Variants in DGKG observed in about 807,000 individuals in gnomAD.
The protein encoded by DGKG is DAG kinase gamma.
DGKG carries 78 observed loss-of-function variants against 105.3 expected under a neutral mutation model. The ratio of observed to expected loss-of-function variants is 0.74; its 90% confidence interval spans 0.62 to 0.89. DGKG has a LOEUF of 0.89. DGKG is among the 40% of genes least tolerant of loss of function. DGKG has a pLI of 0.00. For missense variants in DGKG, 958 were observed against 1,020.1 expected (o/e 0.94, Z 0.83); for synonymous variants, 346 against 367.1 (o/e 0.94, Z 0.66).
rs75065006 is a variant in DGKG, at chr3:186,255,763, G to C, written c.1510+2091C>G. Among the ~76,000 whole-genome samples, 24 of 152,338 alleles carry C rather than the reference G, an allele frequency of 1.6e-4. 1 individual carries two copies. The East Asian group carries it at 4.6e-3, about 29-fold the overall frequency. On this transcript the variant is annotated intron_variant, in intron 17 of 24. Transcript: ENST00000265022. The stretch of plus-strand genomic sequence containing the variant: ...ACACCATGCACCCAGTGACATGCAG[G>C]AAAGATCGCTATGGGTGTAGGGAGA...
Position 186,226,838 on chromosome 3 carries a change from T to C in DGKG, c.1827-14953A>G, listed in dbSNP as rs1719881802. ...TAAGTGTAGGTTCAATAAACATGAA[T>C]ATTCAGCAATTACGTAATTCCCTGC... On this transcript the variant is annotated intron_variant, in intron 20 of 24. Coordinates refer to ENST00000265022, the MANE Select transcript of DGKG (RefSeq NM_001346.3). The surrounding 1 kb of genome is among the most constrained non-coding windows in gnomAD (Gnocchi z 4.2). Among the ~76,000 whole-genome samples, 1 of 152,196 alleles carries C rather than the reference T, an allele frequency of 6.6e-6. No individual in the cohort carries two copies. The highest frequency in any genetic ancestry group is 1.5e-5 in the Non-Finnish European group (1 of 68,026).
intron 21 of DGKG, among the ~76,000 whole-genome samples, chr3:186,204,362 C>T (rs566049763): frequency 1.2e-4 from 19 of 152,168 alleles, no homozygotes; most frequent in Admixed American, 6.5e-4. Flanking sequence ...GCTGAGATCG[C>T]GCCACTGCAC....
chr3:186,209,559 G>A (rs978233205), intron 21 of DGKG, among the ~76,000 whole-genome samples: 1 of 152,200 alleles, frequency 6.6e-6, no homozygotes, highest in African/African-American at 2.4e-5. Flanking sequence ...CAATGCCTCA[G>A]TGGGGTTATT....
At chr3:186,323,702 C>T (rs1293693951) in intron 1 of DGKG, among the ~76,000 whole-genome samples, 23 of 151,338 alleles carry the variant, frequency 1.5e-4, no homozygotes, top group African/African-American at 4.6e-4. Flanking sequence ...TTTGGGAGGC[C>T]GAGACGGGCG....
At chr3:186,242,461 G>A in intron 20 of DGKG, 43 bp downstream of exon 20, 1 of 1,558,062 alleles carries the variant, frequency 6.4e-7, no homozygotes. Context: ...TTCCGCCAGG[G>A]CCACACTGGG....
intron 17 of DGKG, among the ~76,000 whole-genome samples, chr3:186,255,330 A>T (rs962087140): frequency 6.6e-6 from 1 of 152,238 alleles, no homozygotes; most frequent in African/African-American, 2.4e-5. Flanking sequence ...GACAGATAAT[A>T]ATGAGGAATC....
chr3:186,280,367 T>A (rs1411804284), intron 8 of DGKG, among the ~76,000 whole-genome samples: 9 of 152,246 alleles, frequency 5.9e-5, no homozygotes, highest in African/African-American at 2.2e-4. Flanking sequence ...TCTCTACAAT[T>A]CTTTCTAATA....
At chr3:186,276,793 A>C (rs1032282928) in intron 9 of DGKG, among the ~76,000 whole-genome samples, 1 of 152,186 alleles carries the variant, frequency 6.6e-6, no homozygotes, top group African/African-American at 2.4e-5. Flanking sequence ...GGCTGGTTTC[A>C]TGATCAGTAA....
chr3:186,151,710 G>C (rs1166076108), intron 24 of DGKG, among the ~76,000 whole-genome samples: 1 of 152,144 alleles, frequency 6.6e-6, no homozygotes, highest in Non-Finnish European at 1.5e-5. Context: ...AAAGAAAAGA[G>C]TTTGAGGGAA....
chr3:186,246,627 C>T (rs9852019), intron 19 of DGKG, among the ~76,000 whole-genome samples: 8,526 of 152,244 alleles, frequency 0.056, 802 homozygotes, highest in African/African-American at 0.19. Flanking sequence ...CCCTTGTCCA[C>T]GTCCCTCTGG....
At chr3:186,186,271 A>G (rs1717634653) in intron 22 of DGKG, among the ~76,000 whole-genome samples, 1 of 152,040 alleles carries the variant, frequency 6.6e-6, no homozygotes, top group African/African-American at 2.4e-5. Flanking sequence ...ATGTCAGCGG[A>G]GTTTTGTTTT....
chr3:186,275,426 A>C (rs1371432144), intron 10 of DGKG, 121 bp downstream of exon 10: 4 of 846,468 alleles, frequency 4.7e-6, no homozygotes, highest in Non-Finnish European at 7.9e-6. Flanking sequence ...TGTTGGGACA[A>C]TATGGGTGGT....
intron 3 of DGKG, among the ~76,000 whole-genome samples, chr3:186,302,477 T>TAC (rs1723978691): frequency 9.4e-5 from 1 of 10,648 alleles, no homozygotes. Context: ...TATATATATA[T>TAC]ATATATATAT....
intron 2 of DGKG, among the ~76,000 whole-genome samples, chr3:186,309,595 A>T (rs1399314088): frequency 1.3e-5 from 2 of 152,204 alleles, no homozygotes; most frequent in Non-Finnish European, 2.9e-5. Flanking sequence ...TTTTAATGGG[A>T]GGTTGTTAGC....
At chr3:186,302,646 A>ATATG (rs1560144019) in intron 3 of DGKG, among the ~76,000 whole-genome samples, 1 of 146,172 alleles carries the variant, frequency 6.8e-6, no homozygotes, top group East Asian at 2.0e-4. Flanking sequence ...ATATCTATAT[A>ATATG]TCTATATATC....
intron 10 of DGKG, among the ~76,000 whole-genome samples, chr3:186,273,376 T>C (rs1435959597): frequency 1.2e-4 from 16 of 132,932 alleles, no homozygotes; most frequent in Non-Finnish European, 2.5e-4. Context: ...CCTTTTTTTT[T>C]TTTTTTTTTT....
In DGKG at chr3:186,211,765, A is replaced by C. The variant is rs775406036; in HGVS notation, c.1917+30T>G. ...CAGTCCAGGAGCAGAACCAAGATCC[A>C]GGAAGCCTTCTCCCCACTTGGGAAC... On this transcript the variant is annotated intron_variant, in intron 21 of 24. Transcript: ENST00000265022. The C allele has an allele frequency of 3.9e-6, 6 of 1,542,146 alleles. No individual in the cohort carries two copies. In the Admixed American group the frequency reaches 1.0e-4, roughly 26 times the overall value.
At chr3:186,211,596 C>T (rs925576815) in intron 21 of DGKG, among the ~76,000 whole-genome samples, 199 bp downstream of exon 21, 8 of 152,092 alleles carry the variant, frequency 5.3e-5, no homozygotes, top group African/African-American at 1.7e-4. Flanking sequence ...AGTCCCAAAG[C>T]CCCCCAGGGA....
At chr3:186,150,892 G>A (rs1715729016) in intron 24 of DGKG, among the ~76,000 whole-genome samples, 1 of 152,216 alleles carries the variant, frequency 6.6e-6, no homozygotes, top group African/African-American at 2.4e-5. Flanking sequence ...TTATCCTCAG[G>A]TCATGGCTTT....
Sources: gnomAD v4.1 joint callset for allele counts (sites outside exome capture counted in the v4.1 genomes callset) on GRCh38, gnomAD v4.1.1 for gene constraint, Gnocchi (gnomAD v3.1) non-coding constraint, MANE v1.5 for transcripts, NCBI Gene and HGNC (gene_info 2026-07-23, HGNC 2026-07-21) for gene names.